Variants in MAK observed in about 807,000 individuals in gnomAD.
MAK encodes serine/threonine-protein kinase MAK.
MAK carries 65 observed loss-of-function variants against 82.6 expected under a neutral mutation model. The observed-to-expected ratio is 0.79, with a 90% CI of 0.64 to 0.97. The LOEUF is 0.97. Ranked by LOEUF, MAK falls within the 50% of genes least tolerant of loss-of-function variation. MAK has a pLI of 0.00. For missense variants in MAK, 703 were observed against 780.2 expected (o/e 0.90, Z 1.18); for synonymous variants, 250 against 274.2 (o/e 0.91, Z 0.87).
At chr6:10,775,263 A>C in intron 12 of MAK, 65 bp downstream of exon 12, 1 of 1,575,858 alleles carries the variant, frequency 6.3e-7, no homozygotes, top group South Asian at 1.1e-5. Flanking sequence ...GCACTGCAAT[A>C]TATTTAAAAG....
chr6:10,825,463 G>A (rs901044485), intron 2 of MAK, among the ~76,000 whole-genome samples: 6 of 151,352 alleles, frequency 4.0e-5, no homozygotes, highest in African/African-American at 1.5e-4. Context: ...ATGGTTTCTC[G>A]GTGCCCTAAA....
chr6:10,818,844 T>A (rs773453916), intron 3 of MAK, 42 bp downstream of exon 3: 1 of 1,033,660 alleles, frequency 9.7e-7, no homozygotes, highest in Admixed American at 1.8e-5. Flanking sequence ...CCTCAGGTAG[T>A]GTTAAGGCCT....
In MAK at chr6:10,810,111, A is replaced by G. The variant is rs1268902756; in HGVS notation, c.359-1169T>C. Among the ~76,000 whole-genome samples, 6 of 139,342 alleles carry G rather than the reference A, an allele frequency of 4.3e-5. 1 individual carries two copies. The highest frequency in any genetic ancestry group is 1.7e-4 in the African/African-American group (6 of 36,324). The allele number at this position is 139,342 out of a possible 152,430, so 91.4% of individuals were successfully genotyped here. On this transcript the variant is annotated intron_variant, in intron 5 of 14. Transcript: ENST00000354489. ...AGACACTGTCTCAAAAAAAAAAAAA[A>G]AAAAGAAAGAAAAGAAAAAGAAAAC... is the stretch of plus-strand genomic sequence containing the variant.
intron 1 of MAK, among the ~76,000 whole-genome samples, chr6:10,832,104 C>G (rs1032795260): frequency 6.6e-6 from 1 of 152,078 alleles, no homozygotes; most frequent in Non-Finnish European, 1.5e-5. Flanking sequence ...GTGCCCACCC[C>G]GACCCCCAGT....
chr6:10,834,413 T>A (rs1779019314), intron 1 of MAK, among the ~76,000 whole-genome samples: 1 of 152,206 alleles, frequency 6.6e-6, no homozygotes, highest in African/African-American at 2.4e-5. Flanking sequence ...TGTTGGTTTT[T>A]CAGGGTCGTC....
intron 9 of MAK, among the ~76,000 whole-genome samples, chr6:10,794,214 C>G (rs1251063539): frequency 6.6e-6 from 1 of 152,120 alleles, no homozygotes; most frequent in Admixed American, 6.6e-5. Context: ...CAGAACTGTT[C>G]CAAAGATAAA....
chr6:10,828,047 T>C (rs1937567157), intron 2 of MAK, among the ~76,000 whole-genome samples: 1 of 152,150 alleles, frequency 6.6e-6, no homozygotes, highest in African/African-American at 2.4e-5. Context: ...AAATCACAAA[T>C]GAGCACTGAA....
intron 8 of MAK, among the ~76,000 whole-genome samples, chr6:10,801,082 T>C (rs1235506297): frequency 6.6e-6 from 1 of 151,744 alleles, no homozygotes; most frequent in African/African-American, 2.4e-5. Context: ...ATTTAAAGAT[T>C]ACTTTAATAT....
At chr6:10,779,357 G>C in intron 11 of MAK, 1 of 985,238 alleles carries the variant, frequency 1.0e-6, no homozygotes, top group Non-Finnish European at 1.2e-6. Flanking sequence ...CAGTCCCATC[G>C]TAAGTTACAG....
At chr6:10,802,210 A>G (rs970746834) in intron 7 of MAK, 151 bp from the exon 8 acceptor site, 7 of 625,824 alleles carry the variant, frequency 1.1e-5, no homozygotes, top group Admixed American at 5.9e-5. Flanking sequence ...ATACCAGACC[A>G]CGTCTATAAT....
At chr6:10,805,384 G>A (rs1412285621) in intron 6 of MAK, among the ~76,000 whole-genome samples, 3 of 152,032 alleles carry the variant, frequency 2.0e-5, no homozygotes, top group Non-Finnish European at 4.4e-5. Context: ...TCAGGAGTTC[G>A]AGACCGGCCT....
rs1355905853 is a variant in MAK at position 10,795,877 on chromosome 6, A to G, written c.1143+121T>C. Reference sequence around the variant, plus strand: ...ATGTCAAGCTCCAACCAGAGGACTCAGGGTCTTTAACAAAGAAAAATCTTT... The same window carrying G: ...ATGTCAAGCTCCAACCAGAGGACTCGGGGTCTTTAACAAAGAAAAATCTTT... On this transcript the variant is annotated intron_variant, in intron 9 of 14. Coordinates refer to ENST00000354489, the MANE Select transcript of MAK (RefSeq NM_001242957.3). 3.9e-6 allele frequency: 4 copies of G among 1,028,992 alleles called. No individual in the cohort carries two copies. The African/African-American group carries it at 6.3e-5, about 16-fold the overall frequency. 63.7% of individuals were successfully genotyped at this position (1,028,992 alleles called of 1,614,324 possible).
chr6:10,822,637 T>C (rs530499326), intron 2 of MAK, among the ~76,000 whole-genome samples: 23 of 152,324 alleles, frequency 1.5e-4, no homozygotes, highest in African/African-American at 5.3e-4. Flanking sequence ...ACCAATTGCT[T>C]AGAATAGCTA....
chr6:10,772,510 A>G (rs185992552), intron 13 of MAK, among the ~76,000 whole-genome samples: 1 of 151,858 alleles, frequency 6.6e-6, no homozygotes, highest in Admixed American at 6.6e-5. Flanking sequence ...CACACAGCTA[A>G]TTTTTGTATT....
chr6:10,811,171 G>C (rs1313020306), intron 5 of MAK, among the ~76,000 whole-genome samples: 1 of 152,266 alleles, frequency 6.6e-6, no homozygotes, highest in East Asian at 1.9e-4. Context: ...GCTAATTTTT[G>C]TATTTTTGGT....
chr6:10,790,017 T>A (rs1173950186), intron 10 of MAK, among the ~76,000 whole-genome samples: 2 of 152,146 alleles, frequency 1.3e-5, no homozygotes, highest in Non-Finnish European at 2.9e-5. Context: ...AAACTGCAGA[T>A]TCAGGGGACT....
chr6:10,835,705 G>A lies in MAK; in HGVS notation c.-230+2798C>T, dbSNP rs566840994. On this transcript the variant is annotated intron_variant, in intron 1 of 14. Coordinates refer to ENST00000354489, the MANE Select transcript of MAK (RefSeq NM_001242957.3). ...AAGTAATGCAGACAATTCTGAAAAA[G>A]GACATATGACTTGAGAAGGGAATGG... Among the ~76,000 whole-genome samples the A allele has an allele frequency of 3.0e-3, 459 of 152,298 alleles. 1 individual carries two copies. Among genetic ancestry groups the A allele is most frequent in the Non-Finnish European group, 5.2e-3 (354 of 68,036 alleles).
chr6:10,784,975 C>G (rs953572127), intron 10 of MAK: 14 of 453,650 alleles, frequency 3.1e-5, no homozygotes, highest in African/African-American at 1.6e-4. Context: ...TTTGGATGGC[C>G]TAAAAAACTG....
intron 10 of MAK, chr6:10,784,923 G>C (rs745937367): frequency 6.2e-6 from 3 of 481,244 alleles, no homozygotes; most frequent in South Asian, 3.1e-5. Flanking sequence ...TTCACCTGTT[G>C]ACTAAAATAA....
Sources: gnomAD v4.1 joint callset for allele counts (sites outside exome capture counted in the v4.1 genomes callset) on GRCh38, gnomAD v4.1.1 for gene constraint, MANE v1.5 for transcripts, NCBI Gene and HGNC (gene_info 2026-07-23, HGNC 2026-07-21) for gene names.